DZIP1: variants seen among roughly 807,000 people sequenced by gnomAD.
DZIP1 encodes the protein cilium assembly protein DZIP1.
Under a neutral mutation model 107.6 loss-of-function variants are expected in DZIP1, and 97 were observed. The ratio of observed to expected loss-of-function variants is 0.90; its 90% confidence interval spans 0.77 to 1.07. The LOEUF is 1.07. Ranked by LOEUF, DZIP1 falls within the 50% of genes least tolerant of loss-of-function variation. The probability of loss-of-function intolerance (pLI) is 0.00; values close to 1 mark genes in which losing one functional copy is unlikely to be tolerated. For missense variants in DZIP1, 1,035 were observed against 1,063.6 expected, an observed-to-expected ratio of 0.97 and a Z score of 0.37; for synonymous variants, 390 against 386.4, an observed-to-expected ratio of 1.01 and a Z score of -0.11.
chr13:95,613,511 C>CAAA (rs11356166), intron 10 of DZIP1, among the ~76,000 whole-genome samples: 2 of 140,428 alleles, frequency 1.4e-5, no homozygotes, highest in African/African-American at 5.3e-5. Flanking sequence ...GATTCCGTCT[C>CAAA]AAAAAAAAAA....
Position 95,590,434 on chromosome 13 carries a change from C to T in DZIP1, c.1688G>A (p.Arg563His), listed in dbSNP as rs751711382. 70 of 1,600,468 alleles carry T rather than the reference C, an allele frequency of 4.4e-5. No homozygotes were observed. Among genetic ancestry groups the T allele is most frequent in the Non-Finnish European group, 5.5e-5 (65 of 1,175,850 alleles). ...ATGCAACTGATCACTTGAAATGCCA[C>T]GTATATCCTGAAAGAATAAGATGTT... Reference protein sequence around the residue: ...LETLGINADIRGISSDQLHRV... With the variant: ...LETLGINADIHGISSDQLHRV... Residue 563 changes from arginine to histidine, a missense_variant, in exon 17 of 23, where the codon CGT (arginine) becomes CAT (histidine). Physicochemically the swap from Arg to His is conservative, Grantham distance 29 (BLOSUM62 0). Transcript: ENST00000376829.
At chr13:95,583,591 C>G (rs2044067377) in intron 22 of DZIP1, among the ~76,000 whole-genome samples, 1 of 152,108 alleles carries the variant, frequency 6.6e-6, no homozygotes, top group African/African-American at 2.4e-5. Flanking sequence ...CTTATCTAGG[C>G]TCTAGATTGG....
intron 14 of DZIP1, among the ~76,000 whole-genome samples, chr13:95,603,408 T>G (rs948770266): frequency 6.0e-5 from 9 of 150,066 alleles, no homozygotes; most frequent in Non-Finnish European, 8.9e-5. Context: ...CCCCTCACAA[T>G]TTATAGACCA....
chr13:95,589,733 G>C (rs1284000121), intron 18 of DZIP1, 70 bp downstream of exon 18: 1 of 1,543,466 alleles, frequency 6.5e-7, no homozygotes, highest in African/African-American at 1.4e-5. Context: ...CCCAGTCTAT[G>C]GTATTTTGTT....
chr13:95,586,427 C>T lies in DZIP1; in HGVS notation c.2219-291G>A, dbSNP rs565288554. Among the ~76,000 whole-genome samples, 15 of 152,106 alleles carry T rather than the reference C, an allele frequency of 9.9e-5. No individual in the cohort carries two copies. In the South Asian group the frequency reaches 2.3e-3, roughly 23 times the overall value. On this transcript the variant is annotated intron_variant, in intron 20 of 22. Coordinates refer to ENST00000376829, the MANE Select transcript of DZIP1 (RefSeq NM_198968.4). ...GCTGCCTAGGCTGGTCTTGAACTCC[C>T]GGGCTCAAGCAATCCTCCTGCCTCA...
chr13:95,619,919 G>C lies in DZIP1; in HGVS notation c.1139C>G (p.Ala380Gly), dbSNP rs1157281036. The part of the protein sequence containing the change: ...QESKWTARVQ[A>G]IHQEHKKEKG... ...CTCTTTCTTGTGTTCTTGATGAATA[G>C]CTTGAACTCGAGCTGTCCATTTGCT... is the stretch of plus-strand genomic sequence containing the variant. The change falls in exon 10 of 23, where the codon GCT becomes GGT. Residue 380 changes from alanine to glycine, a missense_variant. By Grantham distance (60) the Ala-to-Gly change is moderately conservative. Coordinates refer to ENST00000376829, the MANE Select transcript of DZIP1 (RefSeq NM_198968.4). 1 of 1,613,716 alleles carries C rather than the reference G, an allele frequency of 6.2e-7. No homozygotes were observed. The highest frequency in any genetic ancestry group is 1.3e-5 in the African/African-American group (1 of 74,904).
chr13:95,584,632 T>C (rs2044105931), intron 22 of DZIP1, 104 bp downstream of exon 22: 1 of 1,476,354 alleles, frequency 6.8e-7, no homozygotes, highest in Non-Finnish European at 9.0e-7. Flanking sequence ...GACAGCTTTT[T>C]TGTCTGATGA....
At position 95,630,088 on chromosome 13, in the gene DZIP1, CTCAA is replaced by C; in HGVS notation, c.707_710del (p.Ile236ArgfsTer10). The C allele has an allele frequency of 6.2e-7, 1 of 1,613,012 alleles. No individual in the cohort carries two copies. Among genetic ancestry groups the C allele is most frequent in the Non-Finnish European group, 8.5e-7 (1 of 1,179,620 alleles). ...ATACGACGATCTCACTCCGGAGCTT[CTCAA>C]TCTGTGCATTTTTCTGATACTCTGT... On this transcript the variant is annotated frameshift_variant, in exon 7 of 23. Transcript: ENST00000376829. LOFTEE classifies it high-confidence loss of function.
chr13:95,629,481 G>A (rs1876941149), intron 7 of DZIP1, among the ~76,000 whole-genome samples: 1 of 152,178 alleles, frequency 6.6e-6, no homozygotes, highest in South Asian at 2.1e-4. Context: ...TGGTGGCTTT[G>A]AGTATGGAGG....
rs1478041668 is a variant in DZIP1, at chr13:95,586,059, C to T, written c.2296G>A (p.Gly766Arg). 1.2e-6 allele frequency: 2 copies of T among 1,610,214 alleles called. No homozygotes were observed. The highest frequency in any genetic ancestry group is 1.7e-5 in the Admixed American group (1 of 59,270). Residue 766 changes from glycine to arginine, a missense_variant, in exon 21 of 23, where the codon GGA becomes AGA. Gly to Arg is a moderately radical substitution (Grantham distance 125). Coordinates refer to ENST00000376829, the MANE Select transcript of DZIP1 (RefSeq NM_198968.4). ...HRKNVNKPVG[G>R]TNVPEMFIKK... ...ATAAACATCTCAGGGACATTAGTTCCACCGACTGGTTTGTTCACATTTTTG... is the reference window on the plus strand; with the variant it reads ...ATAAACATCTCAGGGACATTAGTTCTACCGACTGGTTTGTTCACATTTTTG...
chr13:95,610,231 A>C (rs1465586512), intron 12 of DZIP1, among the ~76,000 whole-genome samples: 1 of 152,062 alleles, frequency 6.6e-6, no homozygotes, highest in Non-Finnish European at 1.5e-5. Context: ...AACTTAGAAC[A>C]AACCTGTAAC....
intron 13 of DZIP1, among the ~76,000 whole-genome samples, chr13:95,608,441 A>C (rs74441905): frequency 0.019 from 2,725 of 145,882 alleles, 82 homozygotes; most frequent in African/African-American, 0.064. Flanking sequence ...CTAAATATAG[A>C]CTTGGGTTTT....
chr13:95,600,385 T>A (rs552730846), intron 14 of DZIP1, among the ~76,000 whole-genome samples: 22 of 151,836 alleles, frequency 1.4e-4, no homozygotes, highest in Middle Eastern at 3.4e-3. Context: ...GACCTGGGAG[T>A]GGGTGATGAG....
intron 10 of DZIP1, among the ~76,000 whole-genome samples, chr13:95,613,632 A>G (rs531328806): frequency 1.3e-5 from 2 of 152,318 alleles, no homozygotes; most frequent in South Asian, 4.2e-4. Flanking sequence ...AGATGAGTAT[A>G]TAAGGGCACC....
intron 7 of DZIP1, among the ~76,000 whole-genome samples, chr13:95,627,787 A>G (rs1876719182): frequency 6.6e-6 from 1 of 152,240 alleles, no homozygotes; most frequent in African/African-American, 2.4e-5. Flanking sequence ...TCCTAAGTAT[A>G]TAATCAAGAA....
chr13:95,598,816 G>T (rs1050024154), intron 15 of DZIP1, among the ~76,000 whole-genome samples: 12 of 152,078 alleles, frequency 7.9e-5, no homozygotes, highest in Non-Finnish European at 1.5e-4. Flanking sequence ...ACTATCAAAT[G>T]AAATGAGTAA....
chr13:95,595,418 T>C (rs1267326899), intron 15 of DZIP1, among the ~76,000 whole-genome samples: 2 of 152,246 alleles, frequency 1.3e-5, no homozygotes, highest in Non-Finnish European at 2.9e-5. Flanking sequence ...TGTTTTGCTA[T>C]TGCAGCTTGC....
intron 7 of DZIP1, among the ~76,000 whole-genome samples, chr13:95,625,407 T>A (rs1287220957): frequency 6.6e-6 from 1 of 152,188 alleles, no homozygotes; most frequent in Non-Finnish European, 1.5e-5. Flanking sequence ...AAAATCTAAA[T>A]TGAGAACTTG....
intron 6 of DZIP1, among the ~76,000 whole-genome samples, chr13:95,632,510 G>A (rs1017667955): frequency 7.2e-5 from 11 of 152,030 alleles, no homozygotes; most frequent in African/African-American, 1.9e-4. Flanking sequence ...CCTCGGCTGC[G>A]ATTGCAGCCT....
Sources: allele counts gnomAD v4.1 joint callset (sites outside exome capture counted in the v4.1 genomes callset), GRCh38; gene constraint gnomAD v4.1.1; transcripts MANE v1.5; gene names NCBI Gene and HGNC (gene_info 2026-07-23, HGNC 2026-07-21).